The following WDR37 variants were observed in gnomAD, a reference collection of about 807,000 sequenced individuals.
WDR37 encodes the protein WD repeat domain 37, also known as WD repeat-containing protein 37.
In WDR37, 19 loss-of-function variants were observed where a neutral mutation model predicts 62.9. That is an observed-to-expected ratio of 0.30 (90% CI 0.21 to 0.44). The LOEUF is 0.44. WDR37 is among the 20% of genes least tolerant of loss of function. The probability of loss-of-function intolerance (pLI) is 1.00; values close to 1 mark genes in which losing one functional copy is unlikely to be tolerated. For synonymous variants in WDR37, 250 were observed against 260.9 expected, an observed-to-expected ratio of 0.96 and a Z score of 0.40; for missense variants, 474 against 657.6, an observed-to-expected ratio of 0.72 and a Z score of 3.05.
intron 7 of WDR37, among the ~76,000 whole-genome samples, chr10:1,089,660 C>T (rs1394875912): frequency 3.3e-5 from 1 of 29,984 alleles, no homozygotes; most frequent in Non-Finnish European, 1.2e-4. Flanking sequence ...CGTGCTCACC[C>T]GCAGTTCGGC....
chr10:1,065,231 A>G (rs1833499043), intron 1 of WDR37, among the ~76,000 whole-genome samples: 1 of 152,216 alleles, frequency 6.6e-6, no homozygotes, highest in Non-Finnish European at 1.5e-5. Context: ...ATGTGTAGGA[A>G]ATATTTGTGA....
intron 7 of WDR37, among the ~76,000 whole-genome samples, chr10:1,092,037 G>A (rs1404010716): frequency 3.3e-5 from 5 of 151,518 alleles, no homozygotes; most frequent in Non-Finnish European, 7.4e-5. Context: ...AAAATTAGCC[G>A]GGCGTGTTGG....
At chr10:1,057,652 A>T (rs1833234840) in intron 1 of WDR37, among the ~76,000 whole-genome samples, 1 of 152,232 alleles carries the variant, frequency 6.6e-6, no homozygotes, top group African/African-American at 2.4e-5. Flanking sequence ...GAGCAACAAT[A>T]ATAATGTACT....
At chr10:1,074,690 C>T (rs1439186923) in intron 2 of WDR37, among the ~76,000 whole-genome samples, 2 of 152,182 alleles carry the variant, frequency 1.3e-5, no homozygotes, top group African/African-American at 2.4e-5. Flanking sequence ...TGTTGATTAA[C>T]GTAGGAGTGG....
chr10:1,062,017 T>TG (rs919063350), intron 1 of WDR37, among the ~76,000 whole-genome samples: 47 of 151,130 alleles, frequency 3.1e-4, no homozygotes, highest in Non-Finnish European at 4.6e-4. Flanking sequence ...TTTTTTTTTT[T>TG]GGGGGGGCCA....
intron 7 of WDR37, among the ~76,000 whole-genome samples, chr10:1,089,068 C>G (rs1192893157): frequency 6.6e-6 from 1 of 152,146 alleles, no homozygotes; most frequent in African/African-American, 2.4e-5. Flanking sequence ...TTCCCTTGTT[C>G]TAAGGGAGTT....
At chr10:1,091,857 TG>T (rs1449454937) in intron 7 of WDR37, among the ~76,000 whole-genome samples, 5 of 152,074 alleles carry the variant, frequency 3.3e-5, no homozygotes, top group African/African-American at 1.2e-4. Flanking sequence ...AGGGGGAAGG[TG>T]AAGTGCCAGG....
chr10:1,131,930 C>G lies in WDR37; in HGVS notation c.*2586C>G, dbSNP rs1030076845. 6.6e-6 allele frequency: 1 copy of G among 152,610 alleles called. No homozygotes were observed. The highest frequency in any genetic ancestry group is 2.4e-5 in the African/African-American group (1 of 41,436). 9.5% of individuals were successfully genotyped at this position (152,610 alleles called of 1,614,324 possible). Reference sequence around the variant, plus strand: ...AAGCAACTCTTTTTCAACCACTGCTCATCAGTTTCTGTAGAGACAAAAACT... The same window carrying G: ...AAGCAACTCTTTTTCAACCACTGCTGATCAGTTTCTGTAGAGACAAAAACT... On this transcript the variant is annotated 3_prime_UTR_variant, in exon 14 of 14. Transcript: ENST00000263150.
At chr10:1,069,389 A>ATTTTTTTTTTTTTTTTTTTTTTTTT (rs377212232) in intron 1 of WDR37, among the ~76,000 whole-genome samples, 2 of 95,780 alleles carry the variant, frequency 2.1e-5, no homozygotes, top group Non-Finnish European at 3.8e-5. Context: ...ATATATATAT[A>ATTTTTTTTTTTTTTTTTTTTTTTTT]TTTTTTTTTT....
At position 1,072,103 on chromosome 10, in the gene WDR37, T is replaced by A. The variant is rs1260893625; in HGVS notation, c.-40-13T>A. On this transcript the variant is annotated splice_polypyrimidine_tract_variant and intron_variant, in intron 1 of 13. Transcript: ENST00000263150. ...GCTGTATCAGAAACACTGTTTTTTC[T>A]TGCTGTTTTTAGCTTATTGCAGGAG... The A allele has an allele frequency of 3.1e-6, 5 of 1,587,766 alleles. No individual in the cohort carries two copies. In the African/African-American group the frequency reaches 6.8e-5, roughly 22 times the overall value.
At chr10:1,102,674 T>TC (rs1476329571) in intron 9 of WDR37, among the ~76,000 whole-genome samples, 4 of 152,052 alleles carry the variant, frequency 2.6e-5, no homozygotes, top group African/African-American at 9.7e-5. Flanking sequence ...TGAGGAATCC[T>TC]CCCCCATGAG....
chr10:1,076,107 T>C (rs990901230), intron 2 of WDR37, among the ~76,000 whole-genome samples: 11 of 152,274 alleles, frequency 7.2e-5, no homozygotes, highest in African/African-American at 2.4e-4. Flanking sequence ...GGCCTAGTTT[T>C]AATTTTTATA....
rs1353548113 is a variant in WDR37 at position 1,129,382 on chromosome 10, C to T, written c.*38C>T. 6 of 1,613,018 alleles carry T rather than the reference C, an allele frequency of 3.7e-6. No homozygotes were observed. Among genetic ancestry groups the T allele is most frequent in the Non-Finnish European group, 5.1e-6 (6 of 1,179,212 alleles). Reference sequence around the variant, plus strand: ...CCCTTAGTTTCACTGTTTGCCAGCACAGACCTTTGATGGGTGCAGGCTTTT... The same window carrying T: ...CCCTTAGTTTCACTGTTTGCCAGCATAGACCTTTGATGGGTGCAGGCTTTT... On this transcript the variant is annotated 3_prime_UTR_variant, in exon 14 of 14. Transcript: ENST00000263150.
At chr10:1,104,303 C>A (rs573351280) in intron 10 of WDR37, among the ~76,000 whole-genome samples, 1 of 152,188 alleles carries the variant, frequency 6.6e-6, no homozygotes, top group Non-Finnish European at 1.5e-5. Context: ...CTCCTTCTTG[C>A]GTCTGGAGTT....
chr10:1,066,369 A>AG (rs1564495918), intron 1 of WDR37, among the ~76,000 whole-genome samples: 2,730 of 152,098 alleles, frequency 0.018, 81 homozygotes, highest in African/African-American at 0.063. Flanking sequence ...GTCCACCTTG[A>AG]CCTCCCAAAG....
At chr10:1,057,771 CA>C (rs1305389926) in intron 1 of WDR37, among the ~76,000 whole-genome samples, 1 of 152,156 alleles carries the variant, frequency 6.6e-6, no homozygotes, top group African/African-American at 2.4e-5. Flanking sequence ...AACGCTAAAA[CA>C]TTCGTCCCTT....
rs1491415421 is a variant in WDR37 at position 1,131,711 on chromosome 10, T to TGTGTGTGTGCGCGC, written c.*2368_*2369insTGTGTGTGCGCGCG. 21 of 148,786 alleles carry TGTGTGTGTGCGCGC rather than the reference T, an allele frequency of 1.4e-4. No individual in the cohort carries two copies. The highest frequency in any genetic ancestry group is 8.1e-4 in the Admixed American group (12 of 14,878). The allele number at this position is 148,786 out of a possible 1,614,324, so 9.2% of individuals were successfully genotyped here. On this transcript the variant is annotated 3_prime_UTR_variant, in exon 14 of 14. Transcript: ENST00000263150. ...GTGTGTGTGTGTGTGTGTGTGTGTGTGCACGTGTGTGTGGCTAAATTAAGT... is the reference window on the plus strand; with the variant it reads ...GTGTGTGTGTGTGTGTGTGTGTGTGTGTGTGTGTGCGCGCGCACGTGTGTGTGGCTAAATTAAGT...
At chr10:1,097,748 G>A (rs1157692976) in intron 9 of WDR37, among the ~76,000 whole-genome samples, 2 of 152,186 alleles carry the variant, frequency 1.3e-5, no homozygotes, top group Non-Finnish European at 2.9e-5. Context: ...AGTTTGCCTT[G>A]TGGGGTTTTG....
rs1292958819 is a variant in WDR37, at chr10:1,103,972, G to C, written c.961+136G>C. ...CTTGGCTCTTCTGTGGTAATTTTTG[G>C]AGATTCTTTCTATTAATAATAGAAC... is the stretch of plus-strand genomic sequence containing the variant. On this transcript the variant is annotated intron_variant, in intron 10 of 13. Transcript: ENST00000263150. The surrounding 1 kb of genome is among the most constrained non-coding windows in gnomAD (Gnocchi z 6.3). 3.5e-6 allele frequency: 3 copies of C among 854,508 alleles called. No homozygotes were observed. Among genetic ancestry groups the C allele is most frequent in the Admixed American group, 2.9e-5 (1 of 34,902 alleles). 52.9% of individuals were successfully genotyped at this position (854,508 alleles called of 1,614,324 possible).
Sources: gnomAD v4.1 joint callset for allele counts (sites outside exome capture counted in the v4.1 genomes callset) on GRCh38, gnomAD v4.1.1 for gene constraint, Gnocchi (gnomAD v3.1) non-coding constraint, MANE v1.5 for transcripts, NCBI Gene and HGNC (gene_info 2026-07-23, HGNC 2026-07-21) for gene names.